The following FNTB variants were observed in gnomAD, a reference collection of about 807,000 sequenced individuals.
The protein encoded by FNTB is protein farnesyltransferase subunit beta.
In FNTB, 27 loss-of-function variants were observed where a neutral mutation model predicts 59.4. The ratio of observed to expected loss-of-function variants is 0.45; its 90% CI spans 0.34 to 0.63. The LOEUF (loss-of-function observed/expected upper bound fraction) is 0.63. Ranked by LOEUF, FNTB falls within the 20% of genes least tolerant of loss-of-function variation. The pLI is 0.02. For missense variants in FNTB, 449 were observed against 559.6 expected, an observed-to-expected ratio of 0.80 and a Z score of 1.99; for synonymous variants, 230 against 220.7, an observed-to-expected ratio of 1.04 and a Z score of -0.37.
intron 7 of FNTB, among the ~76,000 whole-genome samples, chr14:65,035,186 C>T (rs1008102486): frequency 6.6e-6 from 1 of 152,194 alleles, no homozygotes; most frequent in African/African-American, 2.4e-5. Flanking sequence ...GTGTTGGCTG[C>T]CCGCCCTGAC....
rs767329195 is a variant in FNTB, at chr14:65,011,431, GAAAAAAAAAA to G, written c.210-874_210-865del. On this transcript the variant is annotated intron_variant, in intron 2 of 11. Transcript: ENST00000246166. The surrounding 1 kb of genome is among the most constrained non-coding windows in gnomAD (Gnocchi z 4.0). ...GTGACAGAGCGAGACTCCGTCTCAG[GAAAAAAAAAA>G]AAAAAAAAAAAGACTGCATGAAGGC... Among the ~76,000 whole-genome samples the G allele has an allele frequency of 3.7e-5, 3 of 80,088 alleles. No homozygotes were observed. The highest frequency in any genetic ancestry group is 5.4e-5 in the Non-Finnish European group (2 of 36,962). 52.5% of individuals were successfully genotyped at this position (80,088 alleles called of 152,430 possible).
In FNTB at chr14:65,014,919, A is replaced by C. The variant is rs1404067868; in HGVS notation, c.283-706A>C. On this transcript the variant is annotated intron_variant, in intron 3 of 11. Coordinates refer to ENST00000246166, the MANE Select transcript of FNTB (RefSeq NM_002028.4). This position sits in a 1 kb window ranked among gnomAD's most constrained non-coding sequence, Gnocchi z 5.1. The stretch of plus-strand genomic sequence containing the variant: ...CAAATATTTGTTGAATCAGTGATTG[A>C]GTTAAGCTAGGAAATCTCTTCAGAG... Among the ~76,000 whole-genome samples, 1 of 152,028 alleles carries C rather than the reference A, an allele frequency of 6.6e-6. No homozygotes were observed. The highest frequency in any genetic ancestry group is 1.9e-4 in the East Asian group (1 of 5,198).
At chr14:65,049,354 A>T (rs773203048) in intron 9 of FNTB, among the ~76,000 whole-genome samples, 1 of 152,170 alleles carries the variant, frequency 6.6e-6, no homozygotes, top group Non-Finnish European at 1.5e-5. Flanking sequence ...GTGTGGAAAG[A>T]CTTTTGATTT....
intron 1 of FNTB, among the ~76,000 whole-genome samples, chr14:64,996,984 A>G (rs1228219292): frequency 6.6e-6 from 1 of 152,082 alleles, no homozygotes; most frequent in East Asian, 1.9e-4. Flanking sequence ...AAAAATTCAC[A>G]TAAATTGTCA....
At chr14:65,005,081 C>T (rs141090840) in intron 2 of FNTB, among the ~76,000 whole-genome samples, 6 of 152,346 alleles carry the variant, frequency 3.9e-5, no homozygotes, top group African/African-American at 1.4e-4. Flanking sequence ...TGCCTACTCC[C>T]TGTTGGTAAT....
At position 65,061,480 on chromosome 14, in the gene FNTB, AAC is replaced by A; in HGVS notation, c.*172_*173del. ...AAAACCAATGGCTCTGGGTTTGGAG[AAC>A]ACAGTGGCTGGTTTTAAAAATTCTT... On this transcript the variant is annotated 3_prime_UTR_variant, in exon 12 of 12. Transcript: ENST00000246166. The A allele has an allele frequency of 8.3e-7, 1 of 1,210,492 alleles. No homozygotes were observed. Among genetic ancestry groups the A allele is most frequent in the Non-Finnish European group, 1.1e-6 (1 of 901,714 alleles). The allele number at this position is 1,210,492 out of a possible 1,614,324, so 75.0% of individuals were successfully genotyped here.
rs73268780 is a variant in FNTB, at chr14:65,017,449, G to T, written c.374+1733G>T. ...GAAAAACTGGAAGAGAGAATCACAG[G>T]GGGTGCCTGAGGTGGAAGAACTCGA... On this transcript the variant is annotated intron_variant, in intron 4 of 11. Coordinates refer to ENST00000246166, the MANE Select transcript of FNTB (RefSeq NM_002028.4). 8.9e-3 allele frequency among the ~76,000 whole-genome samples: 1,362 copies of T among 152,198 alleles called. 23 individuals are homozygous for T. The highest frequency in any genetic ancestry group is 0.081 in the East Asian group (420 of 5,162).
chr14:65,022,147 A>C (rs1198186831), intron 4 of FNTB: 1 of 446,556 alleles, frequency 2.2e-6, no homozygotes, highest in Non-Finnish European at 4.5e-6. Flanking sequence ...TCACTATATC[A>C]AGCTGAAGCT....
At chr14:65,041,734 G>C (rs1017823689) in intron 8 of FNTB, among the ~76,000 whole-genome samples, 1 of 152,166 alleles carries the variant, frequency 6.6e-6, no homozygotes, top group Non-Finnish European at 1.5e-5. Flanking sequence ...CTCCCCCGGT[G>C]TAGTCTTTTT....
chr14:65,024,285 TG>T (rs1258383882), intron 4 of FNTB, among the ~76,000 whole-genome samples: 1 of 152,114 alleles, frequency 6.6e-6, no homozygotes, highest in Non-Finnish European at 1.5e-5. Context: ...CCACCCATAG[TG>T]ATTCCGGTTT....
rs1262036575 is a variant in FNTB, at chr14:65,007,575, CA to C, written c.209+3263del. On this transcript the variant is annotated intron_variant, in intron 2 of 11. Transcript: ENST00000246166. This position sits in a 1 kb window ranked among gnomAD's most constrained non-coding sequence, Gnocchi z 4.9. ...TACATTCTATACTTAATCCCCTTCC[CA>C]GAAATGATTTTCTTCTCTAAGGTTG... Among the ~76,000 whole-genome samples the C allele has an allele frequency of 6.6e-6, 1 of 152,230 alleles. No individual in the cohort carries two copies. The highest frequency in any genetic ancestry group is 1.5e-5 in the Non-Finnish European group (1 of 68,044).
At chr14:65,052,006 G>A (rs913448601) in intron 9 of FNTB, among the ~76,000 whole-genome samples, 90 of 151,698 alleles carry the variant, frequency 5.9e-4, no homozygotes, top group African/African-American at 1.1e-3. Flanking sequence ...CGTGTTAGCC[G>A]GGATGGTCTC....
chr14:65,044,623 C>G lies in FNTB; in HGVS notation c.955+180C>G. ...GCGAATGCAGAGTAAGATTTAGTTT[C>G]ATTGGTTTAGTGTCATTCTTTGCTT... is the stretch of plus-strand genomic sequence containing the variant. On this transcript the variant is annotated intron_variant, in intron 9 of 11. Transcript: ENST00000246166. The surrounding 1 kb of genome is among the most constrained non-coding windows in gnomAD (Gnocchi z 5.5). 1.1e-6 allele frequency: 1 copy of G among 932,228 alleles called. No homozygotes were observed. Among genetic ancestry groups the G allele is most frequent in the Non-Finnish European group, 1.5e-6 (1 of 665,722 alleles). 57.7% of individuals were successfully genotyped at this position (932,228 alleles called of 1,614,324 possible). A position where few individuals can be genotyped will look rare whatever the true frequency, so the allele number is the denominator to read the frequency against.
intron 4 of FNTB, among the ~76,000 whole-genome samples, chr14:65,026,224 A>G (rs770772293): frequency 8.5e-5 from 13 of 152,192 alleles, no homozygotes; most frequent in Non-Finnish European, 1.8e-4. Context: ...CTGTGGAGAA[A>G]CAGCTTGATA....
At chr14:65,041,155 G>A (rs139524606) in intron 8 of FNTB, among the ~76,000 whole-genome samples, 2 of 152,308 alleles carry the variant, frequency 1.3e-5, no homozygotes, top group East Asian at 3.9e-4. Context: ...GTGTGCTGCA[G>A]ACATCTGGTG....
Position 65,028,735 on chromosome 14 carries a change from G to T in FNTB, c.605+954G>T, listed in dbSNP as rs1566554175. On this transcript the variant is annotated intron_variant, in intron 6 of 11. Transcript: ENST00000246166. This position sits in a 1 kb window ranked among gnomAD's most constrained non-coding sequence, Gnocchi z 4.4. ...AACCAAAAAAATTAGATTAGGATCT[G>T]TGTATACCAGTGAAACCAGTAGAAC... Among the ~76,000 whole-genome samples, 1 of 152,202 alleles carries T rather than the reference G, an allele frequency of 6.6e-6. No homozygotes were observed. The highest frequency in any genetic ancestry group is 2.4e-5 in the African/African-American group (1 of 41,452).
chr14:65,033,327 G>A (rs1186350187), intron 7 of FNTB, among the ~76,000 whole-genome samples: 1 of 152,150 alleles, frequency 6.6e-6, no homozygotes, highest in Non-Finnish European at 1.5e-5. Flanking sequence ...GAAGAATCAT[G>A]TGGTAATAAT....
chr14:65,054,300 C>CG lies in FNTB; in HGVS notation c.1068-271dup, dbSNP rs1319083054. 6.6e-6 allele frequency among the ~76,000 whole-genome samples: 1 copy of CG among 151,858 alleles called. No individual in the cohort carries two copies. Among genetic ancestry groups the CG allele is most frequent in the Non-Finnish European group, 1.5e-5 (1 of 67,988 alleles). ...GCTAATTTTTAATTTTTTGTAGAGA[C>CG]GGGGTCTCCCATGTTGCCCAAGTTG... On this transcript the variant is annotated intron_variant, in intron 10 of 11. Coordinates refer to ENST00000246166, the MANE Select transcript of FNTB (RefSeq NM_002028.4). This position sits in a 1 kb window ranked among gnomAD's most constrained non-coding sequence, Gnocchi z 4.4.
At chr14:65,005,816 A>T (rs2139484404) in intron 2 of FNTB, among the ~76,000 whole-genome samples, 1 of 151,910 alleles carries the variant, frequency 6.6e-6, no homozygotes, top group Middle Eastern at 3.4e-3. Flanking sequence ...TTTTGTTTTT[A>T]TTTTTTGTAG....
Sources: allele counts gnomAD v4.1 joint callset (sites outside exome capture counted in the v4.1 genomes callset), GRCh38; gene constraint gnomAD v4.1.1; non-coding constraint Gnocchi (gnomAD v3.1); transcripts MANE v1.5; gene names NCBI Gene and HGNC (gene_info 2026-07-23, HGNC 2026-07-21).